PRELID2: variants seen among roughly 807,000 people sequenced by gnomAD.
PRELID2 encodes PRELI domain-containing protein 2.
Under a neutral mutation model 28.4 loss-of-function variants are expected in PRELID2, and 25 were observed. The observed-to-expected ratio is 0.88, with a 90% CI of 0.64 to 1.23. PRELID2 has a LOEUF of 1.23. PRELID2 is among the 50% of genes most tolerant of loss of function. PRELID2 has a pLI of 0.00. For missense variants in PRELID2, 201 were observed against 214.4 expected (o/e 0.94, Z 0.39); for synonymous variants, 76 against 71.6 (o/e 1.06, Z -0.31).
intron 4 of PRELID2, among the ~76,000 whole-genome samples, chr5:145,816,845 C>A (rs2149856271): frequency 6.6e-6 from 1 of 152,150 alleles, no homozygotes; most frequent in South Asian, 2.1e-4. Flanking sequence ...CAAATAATAT[C>A]TCAATAAACC....
At chr5:145,711,454 T>C (rs971945537) in intron 1 of PRELID2, among the ~76,000 whole-genome samples, 1 of 152,158 alleles carries the variant, frequency 6.6e-6, no homozygotes, top group Non-Finnish European at 1.5e-5. Context: ...TAAGACCATC[T>C]GAACCATTTT....
chr5:145,755,638 G>A (rs149430997), downstream of PRELID2, among the ~76,000 whole-genome samples: 3 of 152,258 alleles, frequency 2.0e-5, no homozygotes, highest in East Asian at 1.9e-4. Context: ...ATTTGATAGA[G>A]CTTATTCTGA....
the PRELID2 span, among the ~76,000 whole-genome samples, chr5:145,418,732 ATT>A: frequency 1.3e-5 from 2 of 151,406 alleles, no homozygotes; most frequent in African/African-American, 2.4e-5. Flanking sequence ...CCATATACAA[ATT>A]TTTTTTTATT....
chr5:145,481,911 C>T (rs1415336413), intron 1 of PRELID2, among the ~76,000 whole-genome samples: 1 of 152,174 alleles, frequency 6.6e-6, no homozygotes, highest in Non-Finnish European at 1.5e-5. Context: ...GAATTTGTTA[C>T]AGTTGGTATT....
chr5:145,314,909 C>T, the PRELID2 span, among the ~76,000 whole-genome samples: 1 of 151,660 alleles, frequency 6.6e-6, no homozygotes, highest in Non-Finnish European at 1.5e-5. Context: ...CTATTTGGGT[C>T]TGAATTTTAT....
chr5:145,582,520 G>C (rs1753115844), intron 1 of PRELID2, among the ~76,000 whole-genome samples: 1 of 152,010 alleles, frequency 6.6e-6, no homozygotes, highest in Non-Finnish European at 1.5e-5. Flanking sequence ...GCCAAGATGA[G>C]ATTTGGGTGG....
At chr5:145,829,231 G>A (rs932748205) in intron 1 of PRELID2, among the ~76,000 whole-genome samples, 4 of 151,910 alleles carry the variant, frequency 2.6e-5, no homozygotes, top group Non-Finnish European at 5.9e-5. Flanking sequence ...CACTGATTAA[G>A]CCACAATCTC....
chr5:145,551,400 CTAAAT>C, intron 1 of PRELID2, among the ~76,000 whole-genome samples: 1 of 148,026 alleles, frequency 6.8e-6, no homozygotes, highest in South Asian at 2.1e-4. Flanking sequence ...GACTCAGTCT[CTAAAT>C]AAATAAATAA....
In PRELID2 at chr5:145,524,146, G is replaced by A. The variant is rs74622584; in HGVS notation, n.71-50831C>T. Reference sequence around the variant, plus strand: ...TGAAGCACACCACTCTGTGCCAGCCGAGATGATCCTCCCTGGCTGGCTCCC... The same window carrying A: ...TGAAGCACACCACTCTGTGCCAGCCAAGATGATCCTCCCTGGCTGGCTCCC... On this transcript the variant is annotated intron_variant and non_coding_transcript_variant, in intron 1 of 2. Transcript: ENST00000510259. Among the ~76,000 whole-genome samples the A allele has an allele frequency of 3.5e-4, 54 of 152,262 alleles. No homozygotes were observed. The East Asian group carries it at 7.9e-3, about 22-fold the overall frequency.
intron 1 of PRELID2, among the ~76,000 whole-genome samples, chr5:145,548,372 G>C (rs1752804945): frequency 6.6e-6 from 1 of 152,138 alleles, no homozygotes; most frequent in Admixed American, 6.5e-5. Context: ...ATATTTAAGA[G>C]AATTCCCCAA....
In PRELID2 at chr5:145,595,323, T is replaced by C. The variant is rs113973403; in HGVS notation, n.71-122008A>G. Among the ~76,000 whole-genome samples the C allele has an allele frequency of 5.0e-3, 756 of 152,130 alleles. 6 individuals are homozygous for C. The highest frequency in any genetic ancestry group is 0.017 in the African/African-American group (722 of 41,480). ...TCTATGACAGGTTAATCTATAGTAA[T>C]ACCAAGAGAGAAAGCAAAGTCTTTT... On this transcript the variant is annotated intron_variant and non_coding_transcript_variant, in intron 1 of 2. Transcript: ENST00000510259.
At chr5:145,417,766 C>G in the PRELID2 span, among the ~76,000 whole-genome samples, 3 of 151,936 alleles carry the variant, frequency 2.0e-5, no homozygotes, top group African/African-American at 4.8e-5. Context: ...AAGAGCCATA[C>G]ACGATAAATC....
intron 1 of PRELID2, among the ~76,000 whole-genome samples, chr5:145,515,094 C>A (rs1580964562): frequency 6.6e-6 from 1 of 151,900 alleles, no homozygotes; most frequent in African/African-American, 2.4e-5. Flanking sequence ...AAAATTAAAA[C>A]AACTAGAGAA....
At chr5:145,439,407 T>A in the PRELID2 span, among the ~76,000 whole-genome samples, 1 of 152,112 alleles carries the variant, frequency 6.6e-6, no homozygotes, top group Admixed American at 6.6e-5. Context: ...GTCAGCTTCA[T>A]TTATTTATTA....
chr5:145,291,337 G>GAAAAAAAAAAAAAAAAAAAAAAAAAAAAA, the PRELID2 span, among the ~76,000 whole-genome samples: 3 of 41,740 alleles, frequency 7.2e-5, no homozygotes, highest in African/African-American at 2.4e-4. Flanking sequence ...CTCTGTTTCA[G>GAAAAAAAAAAAAAAAAAAAAAAAAAAAAA]AAAAAAAAAA....
chr5:145,415,720 G>C, the PRELID2 span, among the ~76,000 whole-genome samples: 1 of 151,686 alleles, frequency 6.6e-6, no homozygotes, highest in Non-Finnish European at 1.5e-5. Flanking sequence ...TTGCTATTGT[G>C]AATAGTGCCA....
chr5:145,577,919 A>G (rs1422028426), intron 1 of PRELID2, among the ~76,000 whole-genome samples: 2 of 152,208 alleles, frequency 1.3e-5, no homozygotes, highest in East Asian at 1.9e-4. Context: ...AAACAAATGC[A>G]TAAATGAATA....
At chr5:145,229,245 C>T in the PRELID2 span, 12 of 770,396 alleles carry the variant, frequency 1.6e-5, 1 homozygote, top group South Asian at 1.5e-4. Flanking sequence ...CCCTGGAGGG[C>T]TCCCTGGAGG....
rs551050698 is a variant in PRELID2 at position 145,627,413 on chromosome 5, G to C, written n.70+137518C>G. Among the ~76,000 whole-genome samples, 12 of 151,964 alleles carry C rather than the reference G, an allele frequency of 7.9e-5. 1 individual carries two copies. Among genetic ancestry groups the C allele is most frequent in the African/African-American group, 2.9e-4 (12 of 41,448 alleles). ...ACAATGTACCCTATTCAGATGATGG[G>C]TACATTAAAAGTCCAGACTTCACCA... On this transcript the variant is annotated intron_variant and non_coding_transcript_variant, in intron 1 of 2. Transcript: ENST00000510259.
Sources: allele counts gnomAD v4.1 joint callset (sites outside exome capture counted in the v4.1 genomes callset), GRCh38; gene constraint gnomAD v4.1.1; transcripts MANE v1.5; gene names NCBI Gene and HGNC (gene_info 2026-07-23, HGNC 2026-07-21).